KCTD20: variants seen among roughly 807,000 people sequenced by gnomAD.
The protein encoded by KCTD20 is BTB/POZ domain-containing protein KCTD20.
A neutral mutation model predicts 39.6 loss-of-function variants in KCTD20; 30 were observed. The ratio of observed to expected loss-of-function variants is 0.76; its 90% confidence interval spans 0.57 to 1.03. The LOEUF is 1.03. KCTD20 is among the 50% of genes least tolerant of loss of function. KCTD20 has a pLI of 0.00. For synonymous variants in KCTD20, 162 were observed against 180.6 expected (o/e 0.90, Z 0.83); for missense variants, 422 against 522.0 (o/e 0.81, Z 1.87).
At chr6:36,478,036 A>G (rs1034166559) in intron 3 of KCTD20, among the ~76,000 whole-genome samples, 6 of 149,974 alleles carry the variant, frequency 4.0e-5, no homozygotes, top group Admixed American at 4.0e-4. Flanking sequence ...CGGAGGTTGC[A>G]GTGAGCCGAG....
intron 7 of KCTD20, among the ~76,000 whole-genome samples, chr6:36,485,207 T>G (rs1309686216): frequency 2.0e-5 from 3 of 151,766 alleles, no homozygotes; most frequent in Non-Finnish European, 4.4e-5. Flanking sequence ...GACTCAAAAT[T>G]AAAGATTATT....
At chr6:36,453,033 G>C (rs1582307387) in intron 1 of KCTD20, among the ~76,000 whole-genome samples, 1 of 126,724 alleles carries the variant, frequency 7.9e-6, no homozygotes, top group South Asian at 2.5e-4. Context: ...TTGGATACAG[G>C]GTCTCACTCT....
intron 1 of KCTD20, among the ~76,000 whole-genome samples, chr6:36,461,722 T>A (rs1365004825): frequency 6.6e-6 from 1 of 152,196 alleles, no homozygotes; most frequent in African/African-American, 2.4e-5. Flanking sequence ...CTGTCTTTCA[T>A]CTAAGTTATA....
At chr6:36,486,833 C>T (rs1171634097) in intron 7 of KCTD20, 50 bp from the exon 8 acceptor site, 12 of 1,449,760 alleles carry the variant, frequency 8.3e-6, no homozygotes, top group African/African-American at 2.8e-5. Context: ...GTATGGACAC[C>T]AGAGTGAGCA....
chr6:36,466,380 TTC>T (rs1298473901), intron 1 of KCTD20, among the ~76,000 whole-genome samples: 1 of 141,778 alleles, frequency 7.1e-6, no homozygotes, highest in Non-Finnish European at 1.5e-5. Context: ...GCTGCTTTTT[TTC>T]TCTTTTTTTT....
intron 1 of KCTD20, among the ~76,000 whole-genome samples, chr6:36,462,529 A>G (rs1414434053): frequency 7.2e-5 from 11 of 152,326 alleles, no homozygotes; most frequent in Admixed American, 6.5e-4. Context: ...CTAAAGACTT[A>G]TTGAATAAGA....
At chr6:36,473,009 T>G (rs1775956078) in intron 2 of KCTD20, among the ~76,000 whole-genome samples, 1 of 151,888 alleles carries the variant, frequency 6.6e-6, no homozygotes, top group African/African-American at 2.4e-5. Context: ...CCAGAGATTC[T>G]CCTGCCTCAG....
In KCTD20 at chr6:36,448,869, C is replaced by T. The variant is rs895130522; in HGVS notation, c.-47+5758C>T. Among the ~76,000 whole-genome samples, 15 of 152,236 alleles carry T rather than the reference C, an allele frequency of 9.9e-5. 1 individual carries two copies. The South Asian group carries it at 2.3e-3, about 23-fold the overall frequency. On this transcript the variant is annotated intron_variant, in intron 1 of 7. Coordinates refer to ENST00000373731, the MANE Select transcript of KCTD20 (RefSeq NM_173562.5). The stretch of plus-strand genomic sequence containing the variant: ...TGGAGTTTCTTCCTTCCAGTGGGTT[C>T]GTGGTCTTGCTGACTTCAGGAGTGA...
At chr6:36,460,608 C>T (rs1775574075) in intron 1 of KCTD20, among the ~76,000 whole-genome samples, 1 of 152,100 alleles carries the variant, frequency 6.6e-6, no homozygotes, top group South Asian at 2.1e-4. Context: ...CCCAGCCTCA[C>T]AATTAGAACT....
At chr6:36,459,237 G>T (rs1006469415) in intron 1 of KCTD20, among the ~76,000 whole-genome samples, 1 of 152,136 alleles carries the variant, frequency 6.6e-6, no homozygotes, top group Admixed American at 6.5e-5. Context: ...GCTTGAACTC[G>T]GAGGCAGAGG....
chr6:36,474,571 C>A (rs1232867155), intron 2 of KCTD20, among the ~76,000 whole-genome samples: 1 of 152,146 alleles, frequency 6.6e-6, no homozygotes, highest in Admixed American at 6.5e-5. Flanking sequence ...CTCCCTCCCC[C>A]AACCCTCACA....
At chr6:36,467,311 C>T in intron 1 of KCTD20, among the ~76,000 whole-genome samples, 1 of 120,234 alleles carries the variant, frequency 8.3e-6, no homozygotes, top group Non-Finnish European at 1.7e-5. Flanking sequence ...TCCGAAAATC[C>T]TTCAGGATTT....
intron 3 of KCTD20, among the ~76,000 whole-genome samples, chr6:36,475,760 AT>A (rs199604011): frequency 1.4e-5 from 2 of 139,444 alleles, no homozygotes; most frequent in Non-Finnish European, 3.0e-5. Flanking sequence ...AAAAAAAAAA[AT>A]AACAGTATTA....
In KCTD20 at chr6:36,446,027, T is replaced by TTTTTTTTG. The variant is rs1554158245; in HGVS notation, c.-47+2923_-47+2924insGTTTTTTT. Among the ~76,000 whole-genome samples, 4 of 146,832 alleles carry TTTTTTTTG rather than the reference T, an allele frequency of 2.7e-5. No homozygotes were observed. The East Asian group carries it at 7.9e-4, about 29-fold the overall frequency. Reference sequence around the variant, plus strand: ...CCCCAGAAATGTTATGAACTCAGTTTTTTTTTTTTTTCTTTTGAGACAGAG... The same window carrying TTTTTTTTG: ...CCCCAGAAATGTTATGAACTCAGTTTTTTTTTTGTTTTTTTTTTTCTTTTGAGACAGAG... On this transcript the variant is annotated intron_variant, in intron 1 of 7. Transcript: ENST00000373731.
intron 1 of KCTD20, among the ~76,000 whole-genome samples, chr6:36,448,964 G>A (rs558825667): frequency 2.5e-4 from 38 of 152,008 alleles, no homozygotes; most frequent in Middle Eastern, 3.4e-3. Flanking sequence ...TGTTCCTCCC[G>A]GTGGGTTCGT....
At chr6:36,481,830 A>G in intron 6 of KCTD20, 71 bp downstream of exon 6, 1 of 1,297,874 alleles carries the variant, frequency 7.7e-7, no homozygotes, top group East Asian at 2.4e-5. Flanking sequence ...GCTTGATCCT[A>G]GAACCAATGT....
At chr6:36,451,094 T>A (rs1339657558) in intron 1 of KCTD20, 4 of 152,172 alleles carry the variant, frequency 2.6e-5, no homozygotes, top group Non-Finnish European at 1.5e-5. Context: ...CTAAATTTGG[T>A]GCAGACACCT....
chr6:36,451,133 C>G (rs548750707), intron 1 of KCTD20: 4 of 152,328 alleles, frequency 2.6e-5, no homozygotes, highest in African/African-American at 9.6e-5. Flanking sequence ...CAGCCCAGAA[C>G]TTCTGGGCTC....
chr6:36,475,182 A>C, intron 3 of KCTD20, 120 bp downstream of exon 3: 13 of 1,021,694 alleles, frequency 1.3e-5, no homozygotes, highest in South Asian at 1.7e-5. Context: ...GCGGTGGCTC[A>C]CGTCTGTAAT....
Sources: gnomAD v4.1 joint callset for allele counts (sites outside exome capture counted in the v4.1 genomes callset) on GRCh38, gnomAD v4.1.1 for gene constraint, MANE v1.5 for transcripts, NCBI Gene and HGNC (gene_info 2026-07-23, HGNC 2026-07-21) for gene names.